LINGO1: variants seen among roughly 807,000 people sequenced by gnomAD.
The protein encoded by LINGO1 is leucine rich repeat and Ig domain containing 1.
A neutral mutation model predicts 37.3 loss-of-function variants in LINGO1; 11 were observed. The observed-to-expected ratio is 0.29, with a 90% confidence interval of 0.19 to 0.49. The LOEUF is 0.49. Among genes scored for constraint, LINGO1 ranks in the 20% least tolerant of loss-of-function variants. The pLI, the probability that LINGO1 is intolerant of heterozygous loss-of-function variation, is 0.99. For synonymous variants in LINGO1, 387 were observed against 403.0 expected (o/e 0.96, Z 0.48); for missense variants, 585 against 878.2 (o/e 0.67, Z 4.22).
At chr15:77,724,179 G>A (rs564254510) in intron 2 of LINGO1, among the ~76,000 whole-genome samples, 31 of 152,254 alleles carry the variant, frequency 2.0e-4, no homozygotes, top group South Asian at 1.7e-3. Context: ...AGCTCTGCCC[G>A]CTTCCTCCAG....
intron 1 of LINGO1, among the ~76,000 whole-genome samples, chr15:77,629,367 T>C (rs1015946827): frequency 1.3e-5 from 2 of 151,990 alleles, no homozygotes; most frequent in Non-Finnish European, 2.9e-5. Flanking sequence ...CTTAAATGTA[T>C]TGGGAAATGA....
chr15:77,693,071 C>T (rs180944356), intron 1 of LINGO1, among the ~76,000 whole-genome samples: 32 of 152,338 alleles, frequency 2.1e-4, no homozygotes, highest in African/African-American at 6.5e-4. Flanking sequence ...CCCATGTGCA[C>T]GCGTGCACAC....
intron 1 of LINGO1, among the ~76,000 whole-genome samples, chr15:77,754,942 G>A (rs2076405653): frequency 6.6e-6 from 1 of 152,262 alleles, no homozygotes; most frequent in Non-Finnish European, 1.5e-5. Flanking sequence ...ACGCTGTTGT[G>A]AAGCTTGAGG....
chr15:77,737,483 G>A (rs1019642238), intron 1 of LINGO1, among the ~76,000 whole-genome samples: 1 of 152,014 alleles, frequency 6.6e-6, no homozygotes, highest in African/African-American at 2.4e-5. Context: ...AAGAGAGAGA[G>A]AGGGAAGGAG....
intron 1 of LINGO1, among the ~76,000 whole-genome samples, chr15:77,782,761 C>T (rs1032472960): frequency 2.0e-5 from 3 of 151,984 alleles, no homozygotes; most frequent in African/African-American, 7.3e-5. Flanking sequence ...CCACCTCTCT[C>T]CTGGGTCCCT....
At chr15:77,697,523 G>C (rs931219869), upstream of LINGO1, among the ~76,000 whole-genome samples, 1 of 152,140 alleles carries the variant, frequency 6.6e-6, no homozygotes, top group African/African-American at 2.4e-5. Context: ...AGGCCCAAAG[G>C]TCCAGCCCAG....
At chr15:77,687,922 C>T (rs982359831) in intron 2 of LINGO1, among the ~76,000 whole-genome samples, 8 of 151,832 alleles carry the variant, frequency 5.3e-5, no homozygotes, top group South Asian at 2.1e-4. Context: ...TGGGCACTGT[C>T]TTGGGGCTAC....
intron 2 of LINGO1, among the ~76,000 whole-genome samples, chr15:77,701,817 C>T (rs148294467): frequency 1.8e-4 from 27 of 152,298 alleles, no homozygotes; most frequent in African/African-American, 5.8e-4. Context: ...GATGCCAGCA[C>T]CATGCTTGTA....
chr15:77,711,047 C>A (rs2075912631), intron 2 of LINGO1, among the ~76,000 whole-genome samples: 1 of 152,178 alleles, frequency 6.6e-6, no homozygotes, highest in Admixed American at 6.5e-5. Context: ...CCTCTCTGAG[C>A]CTTTGCTCAC....
At chr15:77,749,611 T>C (rs1048580946) in intron 1 of LINGO1, among the ~76,000 whole-genome samples, 1 of 152,196 alleles carries the variant, frequency 6.6e-6, no homozygotes, top group Non-Finnish European at 1.5e-5. Flanking sequence ...CTTAGGAATG[T>C]GTCATCCCCT....
At chr15:77,776,569 G>C (rs1255829194) in intron 1 of LINGO1, among the ~76,000 whole-genome samples, 1 of 151,044 alleles carries the variant, frequency 6.6e-6, no homozygotes, top group Non-Finnish European at 1.5e-5. Context: ...AGCTGACTCT[G>C]GCAGAGCCCT....
At chr15:77,737,201 G>C (rs2076211920) in intron 1 of LINGO1, among the ~76,000 whole-genome samples, 1 of 152,198 alleles carries the variant, frequency 6.6e-6, no homozygotes, top group Admixed American at 6.5e-5. Context: ...CATCTGTACT[G>C]ATCTGCAACT....
chr15:77,640,827 CTCAT>C (rs55914213), intron 3 of LINGO1, among the ~76,000 whole-genome samples: 64,410 of 150,410 alleles, frequency 0.43, 13,995 homozygotes, highest in East Asian at 0.61. Flanking sequence ...CATTCATCTC[CTCAT>C]TCATTCATTC....
intron 1 of LINGO1, among the ~76,000 whole-genome samples, chr15:77,802,861 C>T (rs1398979563): frequency 6.6e-6 from 1 of 152,182 alleles, no homozygotes; most frequent in African/African-American, 2.4e-5. Context: ...CCACACCCTT[C>T]TATGGCTCCC....
chr15:77,732,573 GC>G (rs1431456906), intron 2 of LINGO1, among the ~76,000 whole-genome samples: 2 of 152,226 alleles, frequency 1.3e-5, no homozygotes, highest in Admixed American at 1.3e-4. Context: ...GCTGGGCAGT[GC>G]CAGGTGGACT....
At chr15:77,778,030 C>T (rs1179249760) in intron 1 of LINGO1, among the ~76,000 whole-genome samples, 1 of 152,176 alleles carries the variant, frequency 6.6e-6, no homozygotes, top group Non-Finnish European at 1.5e-5. Flanking sequence ...TATTCTTTCA[C>T]AATTCTAGAG....
intron 1 of LINGO1, among the ~76,000 whole-genome samples, chr15:77,765,839 A>G (rs1310515059): frequency 6.6e-6 from 1 of 152,180 alleles, no homozygotes; most frequent in East Asian, 1.9e-4. Flanking sequence ...GAACTGGCCC[A>G]GGAAGATCAG....
At chr15:77,789,213 A>T (rs561410208), upstream of LINGO1, among the ~76,000 whole-genome samples, 1 of 152,352 alleles carries the variant, frequency 6.6e-6, no homozygotes, top group East Asian at 1.9e-4. Context: ...ATGTGATCTT[A>T]TTTGGAAATT....
At chr15:77,745,957 C>T (rs1249042622) in intron 1 of LINGO1, among the ~76,000 whole-genome samples, 4 of 151,784 alleles carry the variant, frequency 2.6e-5, no homozygotes, top group South Asian at 4.2e-4. Flanking sequence ...GAGCTGGGCA[C>T]GGTGGCTCAC....
Sources: allele counts gnomAD v4.1 joint callset (sites outside exome capture counted in the v4.1 genomes callset), GRCh38; gene constraint gnomAD v4.1.1; transcripts MANE v1.5; gene names NCBI Gene and HGNC (gene_info 2026-07-23, HGNC 2026-07-21).